Variants in DLG2 observed in about 807,000 individuals in gnomAD.
The protein encoded by DLG2 is disks large homolog 2.
DLG2 carries 45 observed loss-of-function variants against 132.5 expected under a neutral mutation model. That is an observed-to-expected ratio of 0.34 (90% CI 0.27 to 0.44). The LOEUF (loss-of-function observed/expected upper bound fraction) is 0.44. Ranked by LOEUF, DLG2 falls within the 20% of genes least tolerant of loss-of-function variation. The pLI is 1.00. For missense variants in DLG2, 1,045 were observed against 1,196.9 expected (o/e 0.87, Z 1.87); for synonymous variants, 424 against 419.6 (o/e 1.01, Z -0.13).
At chr11:85,230,479 C>T (rs923895883) in intron 4 of DLG2, among the ~76,000 whole-genome samples, 4 of 151,380 alleles carry the variant, frequency 2.6e-5, no homozygotes, top group South Asian at 2.1e-4. Context: ...TATTCATTTT[C>T]GAAAGACGTG....
chr11:84,424,579 A>G (rs1163978454), intron 7 of DLG2, among the ~76,000 whole-genome samples: 3 of 152,126 alleles, frequency 2.0e-5, no homozygotes, highest in Non-Finnish European at 2.9e-5. Context: ...AACTTGCTCA[A>G]AGTTCCACAG....
At chr11:84,423,619 T>C (rs557767086) in intron 7 of DLG2, among the ~76,000 whole-genome samples, 1 of 152,310 alleles carries the variant, frequency 6.6e-6, no homozygotes, top group East Asian at 1.9e-4. Context: ...GAATAGGCCA[T>C]GTTCACCATC....
At chr11:83,663,551 A>G (rs999034050) in intron 18 of DLG2, among the ~76,000 whole-genome samples, 3 of 152,220 alleles carry the variant, frequency 2.0e-5, no homozygotes, top group Non-Finnish European at 4.4e-5. Flanking sequence ...TGCAGATACA[A>G]TGTGTGTGTG....
chr11:84,763,847 C>T (rs555282905), intron 6 of DLG2, among the ~76,000 whole-genome samples: 1 of 151,944 alleles, frequency 6.6e-6, no homozygotes, highest in African/African-American at 2.4e-5. Context: ...GAGATATATA[C>T]CTCTATAATT....
chr11:84,098,851 CA>C, intron 10 of DLG2, 71 bp downstream of exon 10: 1 of 1,521,182 alleles, frequency 6.6e-7, no homozygotes. Flanking sequence ...TATTATTCTT[CA>C]AAGGTACAAA....
At chr11:83,600,862 A>C (rs653546) in intron 19 of DLG2, among the ~76,000 whole-genome samples, 109,853 of 152,176 alleles carry the variant, frequency 0.72, 40,342 homozygotes, top group African/African-American at 0.86. Flanking sequence ...GGTGTGATAG[A>C]GGCTGTTGAG....
intron 7 of DLG2, among the ~76,000 whole-genome samples, chr11:84,525,909 T>A (rs188143072): frequency 6.6e-6 from 1 of 152,274 alleles, no homozygotes; most frequent in African/African-American, 2.4e-5. Flanking sequence ...AGGGCAACCT[T>A]GACTTTTCTC....
intron 19 of DLG2, among the ~76,000 whole-genome samples, chr11:83,601,261 C>T (rs1297092297): frequency 2.0e-4 from 31 of 152,000 alleles, no homozygotes; most frequent in Admixed American, 1.9e-3. Flanking sequence ...AATGCCATGC[C>T]GAAGAGTTGG....
chr11:84,618,323 A>C (rs897397673), intron 6 of DLG2, among the ~76,000 whole-genome samples: 4 of 152,050 alleles, frequency 2.6e-5, no homozygotes, highest in Non-Finnish European at 5.9e-5. Context: ...CTATATTAAA[A>C]AGTTCCCACT....
intron 18 of DLG2, among the ~76,000 whole-genome samples, chr11:83,741,278 A>G (rs2092485505): frequency 6.6e-6 from 1 of 152,164 alleles, no homozygotes; most frequent in Non-Finnish European, 1.5e-5. Flanking sequence ...ACTCCTATTC[A>G]ACATAGTACT....
At position 83,457,489 on chromosome 11, in the gene DLG2, A is replaced by ACTTT. The variant is rs1448050244; in HGVS notation, c.*2328_*2329insAAAG. 8 of 152,690 alleles carry ACTTT rather than the reference A, an allele frequency of 5.2e-5. No individual in the cohort carries two copies. The highest frequency in any genetic ancestry group is 1.9e-4 in the African/African-American group (8 of 41,474). The allele number at this position is 152,690 out of a possible 1,614,324, so 9.5% of individuals were successfully genotyped here. A position where few individuals can be genotyped will look rare whatever the true frequency, so the allele number is the denominator to read the frequency against. On this transcript the variant is annotated 3_prime_UTR_variant, in exon 28 of 28. Coordinates refer to ENST00000376104, the MANE Select transcript of DLG2 (RefSeq NM_001142699.3). The stretch of plus-strand genomic sequence containing the variant: ...ATTCTAATCTGAAAGCATCTACACT[A>ACTTT]GGAAAATAAATAGTTATATTACTAC...
intron 16 of DLG2, among the ~76,000 whole-genome samples, chr11:83,867,075 G>C (rs1258048400): frequency 6.6e-6 from 1 of 152,098 alleles, no homozygotes; most frequent in Non-Finnish European, 1.5e-5. Context: ...AATGATTCTA[G>C]TTAACAAAAA....
chr11:84,787,528 G>A lies in DLG2; in HGVS notation c.358-252797C>T, dbSNP rs568486538. On this transcript the variant is annotated intron_variant, in intron 6 of 27. Coordinates refer to ENST00000376104, the MANE Select transcript of DLG2 (RefSeq NM_001142699.3). ...TCTCTACTATGAGGAAGAAATAAAT[G>A]CTTATTCCCTCTGTTCCACCTCTTT... Among the ~76,000 whole-genome samples, 5 of 152,188 alleles carry A rather than the reference G, an allele frequency of 3.3e-5. No homozygotes were observed. In the East Asian group the frequency reaches 7.7e-4, roughly 24 times the overall value.
chr11:84,519,361 T>C (rs2099286608), intron 7 of DLG2, among the ~76,000 whole-genome samples: 1 of 152,182 alleles, frequency 6.6e-6, no homozygotes, highest in Admixed American at 6.5e-5. Flanking sequence ...TTTGCTAGAA[T>C]GCAACTTCCA....
chr11:85,044,545 C>T (rs939710602), intron 6 of DLG2, among the ~76,000 whole-genome samples: 1 of 151,988 alleles, frequency 6.6e-6, no homozygotes, highest in Non-Finnish European at 1.5e-5. Context: ...AACCTTCTCA[C>T]GCAACCTCCA....
At chr11:84,474,782 C>T (rs2099117242) in intron 7 of DLG2, among the ~76,000 whole-genome samples, 1 of 151,964 alleles carries the variant, frequency 6.6e-6, no homozygotes, top group African/African-American at 2.4e-5. Flanking sequence ...ATTTTTAAAT[C>T]ATAATCTTCT....
At chr11:84,372,539 A>G (rs978650427) in intron 7 of DLG2, among the ~76,000 whole-genome samples, 4 of 152,222 alleles carry the variant, frequency 2.6e-5, no homozygotes, top group Non-Finnish European at 4.4e-5. Flanking sequence ...CTATCTGTGC[A>G]TTGCTTCAAT....
chr11:84,807,961 G>T (rs981231611), intron 6 of DLG2, among the ~76,000 whole-genome samples: 2 of 152,052 alleles, frequency 1.3e-5, no homozygotes, highest in Non-Finnish European at 2.9e-5. Context: ...AAATCAGAAT[G>T]CATATAGAAT....
chr11:84,000,365 C>G (rs2094282240), intron 11 of DLG2, among the ~76,000 whole-genome samples: 1 of 152,014 alleles, frequency 6.6e-6, no homozygotes, highest in African/African-American at 2.4e-5. Flanking sequence ...CTTCATGACA[C>G]ATGGGACACC....
Sources: allele counts gnomAD v4.1 joint callset (sites outside exome capture counted in the v4.1 genomes callset), GRCh38; gene constraint gnomAD v4.1.1; transcripts MANE v1.5; gene names NCBI Gene and HGNC (gene_info 2026-07-23, HGNC 2026-07-21).